The following CRYBG1 variants were observed in gnomAD, a reference collection of about 807,000 sequenced individuals.
The protein encoded by CRYBG1 is crystallin beta-gamma domain containing 1.
In CRYBG1, 139 loss-of-function variants were observed where a neutral mutation model predicts 189.2. The ratio of observed to expected loss-of-function variants is 0.73; its 90% CI spans 0.64 to 0.85. The LOEUF (loss-of-function observed/expected upper bound fraction) is 0.85. Ranked by LOEUF, CRYBG1 falls within the 40% of genes least tolerant of loss-of-function variation. The pLI is 0.00. For missense variants in CRYBG1, 2,611 were observed against 2,675.8 expected (o/e 0.98, Z 0.53); for synonymous variants, 1,023 against 1,017.1 (o/e 1.01, Z -0.11).
chr6:106,553,443 A>G lies in CRYBG1; in HGVS notation c.5473-12A>G. 6.4e-7 allele frequency: 1 copy of G among 1,561,268 alleles called. No homozygotes were observed. The highest frequency in any genetic ancestry group is 8.8e-7 in the Non-Finnish European group (1 of 1,132,586). ...AAAATAATTTTATGTGTTTCTGTTT[A>G]CTTTTTCAAAGATTCACTTGTTTTC... is the stretch of plus-strand genomic sequence containing the variant. On this transcript the variant is annotated splice_polypyrimidine_tract_variant and intron_variant, in intron 15 of 21. Coordinates refer to ENST00000633556, the MANE Select transcript of CRYBG1 (RefSeq NM_001371242.2).
rs1445500311 is a variant in CRYBG1 at position 106,570,125 on chromosome 6, T to C, written c.*1559T>C. 2.8e-4 allele frequency: 42 copies of C among 152,258 alleles called. No individual in the cohort carries two copies. The highest frequency in any genetic ancestry group is 2.7e-3 in the Admixed American group (42 of 15,286). The allele number at this position is 152,258 out of a possible 1,614,324, so 9.4% of individuals were successfully genotyped here. ...TTTCCTTGAATATATTCTTCCTCTT[T>C]TTGTCCTCATCACTCAATACTGGTG... On this transcript the variant is annotated 3_prime_UTR_variant, in exon 22 of 22. Transcript: ENST00000633556.
In CRYBG1 at chr6:106,544,711, A is replaced by C. The variant is rs528843560; in HGVS notation, c.5166+14A>C. The stretch of plus-strand genomic sequence containing the variant: ...CCTATATTAGGTGTAAGTAAAGGAC[A>C]AGCTAATGGCTAATACTTGGTCTTC... On this transcript the variant is annotated intron_variant, in intron 12 of 21. Transcript: ENST00000633556. 19 of 1,611,628 alleles carry C rather than the reference A, an allele frequency of 1.2e-5. 1 individual carries two copies. The South Asian group carries it at 2.1e-4, about 18-fold the overall frequency.
At chr6:106,493,218 GATAA>G (rs1471335236) in intron 2 of CRYBG1, among the ~76,000 whole-genome samples, 5 of 152,066 alleles carry the variant, frequency 3.3e-5, no homozygotes, top group African/African-American at 9.7e-5. Flanking sequence ...TTTCTCCAAA[GATAA>G]ATAAATGGCT....
rs142261246 is a variant in CRYBG1, at chr6:106,425,896, C to T, written c.174-25798C>T. ...CAGGTGATCCACCTGCCTCAGCCTC[C>T]CAAAGTGCTGGGATTACAGGTGTGA... On this transcript the variant is annotated intron_variant, in intron 1 of 21. Coordinates refer to ENST00000633556, the MANE Select transcript of CRYBG1 (RefSeq NM_001371242.2). Among the ~76,000 whole-genome samples the T allele has an allele frequency of 2.7e-3, 418 of 152,294 alleles. 2 individuals are homozygous for T. The highest frequency in any genetic ancestry group is 9.4e-3 in the African/African-American group (392 of 41,570).
In CRYBG1 at chr6:106,373,222, C is replaced by T. The variant is rs1770076357; in HGVS notation, c.173+12141C>T. 2.0e-5 allele frequency among the ~76,000 whole-genome samples: 3 copies of T among 152,144 alleles called. No homozygotes were observed. The South Asian group carries it at 6.2e-4, about 32-fold the overall frequency. ...AAAGTTAATGGGGCATTCTTGTTTT[C>T]CTGGGAACCCCTGACTTGAAATGAT... is the stretch of plus-strand genomic sequence containing the variant. On this transcript the variant is annotated intron_variant, in intron 1 of 21. Coordinates refer to ENST00000633556, the MANE Select transcript of CRYBG1 (RefSeq NM_001371242.2).
rs1203556170 is a variant in CRYBG1 at position 106,571,169 on chromosome 6, G to GCTCT, written c.*2605_*2608dup. 6.6e-6 allele frequency: 1 copy of GCTCT among 152,176 alleles called. No homozygotes were observed. Among genetic ancestry groups the GCTCT allele is most frequent in the African/African-American group, 2.4e-5 (1 of 41,438 alleles). The allele number at this position is 152,176 out of a possible 1,614,324, so 9.4% of individuals were successfully genotyped here. On this transcript the variant is annotated 3_prime_UTR_variant, in exon 22 of 22. Coordinates refer to ENST00000633556, the MANE Select transcript of CRYBG1 (RefSeq NM_001371242.2). ...AGGGTTTTAAAAAGTTAGAAACTCT[G>GCTCT]CTCTCACCTTTCAATATTAAGAGCA...
intron 3 of CRYBG1, among the ~76,000 whole-genome samples, chr6:106,513,947 A>C (rs921387245): frequency 1.3e-5 from 2 of 152,192 alleles, no homozygotes; most frequent in Admixed American, 6.5e-5. Flanking sequence ...GGGGAAAAAA[A>C]CCCTACAACT....
At chr6:106,561,135 G>T (rs1490535897) in intron 19 of CRYBG1, among the ~76,000 whole-genome samples, 1 of 152,156 alleles carries the variant, frequency 6.6e-6, no homozygotes, top group African/African-American at 2.4e-5. Flanking sequence ...ATCAAACGCA[G>T]TTATCCACAG....
chr6:106,553,036 C>T (rs1328303902), intron 15 of CRYBG1, among the ~76,000 whole-genome samples: 2 of 152,160 alleles, frequency 1.3e-5, no homozygotes, highest in Non-Finnish European at 2.9e-5. Flanking sequence ...CCTTTATTGG[C>T]ATTCACAGGA....
chr6:106,412,079 A>G (rs1254194679), intron 1 of CRYBG1, among the ~76,000 whole-genome samples: 3 of 152,236 alleles, frequency 2.0e-5, no homozygotes, highest in African/African-American at 4.8e-5. Flanking sequence ...GTGCTTCACC[A>G]GCCATCTAGG....
rs763308337 is a variant in CRYBG1 at position 106,520,658 on chromosome 6, G to A, written c.3450G>A (p.Lys1150=). Reference sequence around the variant, plus strand: ...CTATTCACGAAGACCATTTAGAAAAGGTGTTTGATCCCAAAGTGTTTACCT... The same window carrying A: ...CTATTCACGAAGACCATTTAGAAAAAGTGTTTGATCCCAAAGTGTTTACCT... ...MPPIHEDHLE[K]VFDPKVFTFG... is the part of the protein sequence containing the mutation. The change falls in exon 4 of 22, where the codon AAG becomes AAA. Residue 1150 remains lysine, a synonymous_variant. Transcript: ENST00000633556. 42 of 1,614,154 alleles carry A rather than the reference G, an allele frequency of 2.6e-5. No homozygotes were observed. Among genetic ancestry groups the A allele is most frequent in the Non-Finnish European group, 3.6e-5 (42 of 1,180,036 alleles).
chr6:106,529,407 G>A (rs796803358), intron 7 of CRYBG1, among the ~76,000 whole-genome samples: 27 of 152,248 alleles, frequency 1.8e-4, no homozygotes, highest in African/African-American at 5.3e-4. Flanking sequence ...AAGTCACAGC[G>A]TATATTTTCA....
chr6:106,393,347 C>A (rs1186535134), intron 1 of CRYBG1, among the ~76,000 whole-genome samples: 1 of 152,156 alleles, frequency 6.6e-6, no homozygotes, highest in Non-Finnish European at 1.5e-5. Flanking sequence ...TAGCACTGAC[C>A]AGTATGCACC....
chr6:106,543,558 C>T lies in CRYBG1; in HGVS notation c.5000C>T (p.Pro1667Leu), dbSNP rs144427964. ...GAGGCGACTGGAGACGATCATTTGC[C>T]GTTTACGTCAGTGGGGTCTATGAAA... ...TEEATGDDHL[P>L]FTSVGSMKVL... The change falls in exon 11 of 22, where the codon CCG (proline) becomes CTG (leucine). Residue 1667 changes from proline to leucine, a missense_variant. Physicochemically the swap from Pro to Leu is moderately conservative, Grantham distance 98 (BLOSUM62 -3). Coordinates refer to ENST00000633556, the MANE Select transcript of CRYBG1 (RefSeq NM_001371242.2). 52 of 1,613,846 alleles carry T rather than the reference C, an allele frequency of 3.2e-5. No individual in the cohort carries two copies. Among genetic ancestry groups the T allele is most frequent in the East Asian group, 1.6e-4 (7 of 44,892 alleles).
At chr6:106,438,109 C>T (rs886332001) in intron 1 of CRYBG1, among the ~76,000 whole-genome samples, 12 of 152,128 alleles carry the variant, frequency 7.9e-5, no homozygotes, top group African/African-American at 2.9e-4. Flanking sequence ...TAGTAGAGTG[C>T]TTTACTAAGA....
At chr6:106,380,168 C>A (rs1367016813) in intron 1 of CRYBG1, among the ~76,000 whole-genome samples, 1 of 152,160 alleles carries the variant, frequency 6.6e-6, no homozygotes, top group East Asian at 1.9e-4. Flanking sequence ...CAGAGCTGTT[C>A]ATATTCAGGT....
intron 2 of CRYBG1, among the ~76,000 whole-genome samples, chr6:106,492,015 C>A (rs1311891472): frequency 6.6e-6 from 1 of 152,136 alleles, no homozygotes; most frequent in Non-Finnish European, 1.5e-5. Flanking sequence ...ACCCAGAATG[C>A]CTTTTCTTGG....
At chr6:106,485,002 G>T (rs1425147852) in intron 2 of CRYBG1, among the ~76,000 whole-genome samples, 1 of 151,870 alleles carries the variant, frequency 6.6e-6, no homozygotes, top group East Asian at 1.9e-4. Context: ...AAAAAAAGGT[G>T]GGGGGGATTT....
chr6:106,512,072 G>C lies in CRYBG1; in HGVS notation c.955G>C (p.Val319Leu), dbSNP rs1314761807. 6.5e-7 allele frequency: 1 copy of C among 1,534,406 alleles called. No homozygotes were observed. The highest frequency in any genetic ancestry group is 8.7e-7 in the Non-Finnish European group (1 of 1,146,216). ...CGAGGCCCCTAACGGAGCCCCCAGT[G>C]TGTGTGCCGAAGAAGGCTCCCTGGG... ...LGEAPNGAPS[V>L]CAEEGSLGPR... The change falls in exon 3 of 22, where the codon GTG becomes CTG. Residue 319 changes from valine to leucine, a missense_variant. By Grantham distance (32) the Val-to-Leu change is conservative. This residue lies in a region of CRYBG1 where 985 missense variants were observed against 924.4 expected (regional missense o/e 1.07). Transcript: ENST00000633556.
Sources: gnomAD v4.1 joint callset for allele counts (sites outside exome capture counted in the v4.1 genomes callset) on GRCh38, gnomAD v4.1.1 for gene constraint, gnomAD v4.1.1 regional missense constraint, MANE v1.5 for transcripts, NCBI Gene and HGNC (gene_info 2026-07-23, HGNC 2026-07-21) for gene names.